Variants in HMCN2 observed in about 807,000 individuals in gnomAD.
HMCN2 encodes hemicentin-2.
HMCN2 carries 325 observed loss-of-function variants against 377.5 expected under a neutral mutation model. The ratio of observed to expected loss-of-function variants is 0.86; its 90% CI spans 0.79 to 0.94. The LOEUF is 0.94. Ranked by LOEUF, HMCN2 falls within the 40% of genes least tolerant of loss-of-function variation. The pLI is 0.00. For synonymous variants in HMCN2, 2,007 were observed against 2,046.8 expected (o/e 0.98, Z 0.53); for missense variants, 4,543 against 4,725.3 (o/e 0.96, Z 1.13).
rs1362698067 is a variant in HMCN2 at position 130,385,724 on chromosome 9, C to T, written c.9271C>T (p.Leu3091=). ...PLVLAQRTQA[L]RGGQRLEIQE... Reference sequence around the variant, plus strand: ...GGTCCTGGCACAGCGGACCCAGGCTCTGCGGGGTGGGCAGAGGCTGGAGAT... The same window carrying T: ...GGTCCTGGCACAGCGGACCCAGGCTTTGCGGGGTGGGCAGAGGCTGGAGAT... The change falls in exon 60 of 98, where the codon CTG becomes TTG. Residue 3091 remains leucine (L), a synonymous_variant. Transcript: ENST00000683500. 15 of 1,304,154 alleles carry T rather than the reference C, an allele frequency of 1.2e-5. No individual in the cohort carries two copies. The highest frequency in any genetic ancestry group is 6.1e-6 in the Non-Finnish European group (6 of 988,914). The allele number at this position is 1,304,154 out of a possible 1,614,324, so 80.8% of individuals were successfully genotyped here.
intron 1 of HMCN2, among the ~76,000 whole-genome samples, chr9:130,270,397 A>C (rs1395412030): frequency 1.4e-5 from 2 of 146,124 alleles, no homozygotes; most frequent in African/African-American, 2.5e-5. Context: ...TAATTCTTCA[A>C]CTTGAAATTT....
chr9:130,433,481 G>A lies in HMCN2; in HGVS notation c.15028G>A (p.Gly5010Ser), dbSNP rs1418201511. The A allele has an allele frequency of 2.0e-6, 3 of 1,499,092 alleles. No individual in the cohort carries two copies. Among genetic ancestry groups the A allele is most frequent in the Non-Finnish European group, 1.8e-6 (2 of 1,132,004 alleles). 92.9% of individuals were successfully genotyped at this position (1,499,092 alleles called of 1,614,324 possible). The change falls in exon 98 of 98, where the codon GGC becomes AGC. Residue 5010 changes from glycine (G) to serine (S), a missense_variant. Around this residue, in one of 5 missense-constraint regions of HMCN2, gnomAD observed 1,155 missense variants for 1,157.7 expected, o/e 1.00. Coordinates refer to ENST00000683500, the MANE Select transcript of HMCN2 (RefSeq NM_001291815.2). The part of the protein sequence containing the change: ...VARLTAFSEV[G>S]VPANRTELSM... The stretch of plus-strand genomic sequence containing the variant: ...CCGCCTCACCGCCTTCTCCGAGGTC[G>A]GCGTCCCCGCCAACCGCACCGAGCT...
intron 90 of HMCN2, among the ~76,000 whole-genome samples, chr9:130,426,205 C>G (rs1412970607): frequency 6.6e-6 from 1 of 152,182 alleles, no homozygotes; most frequent in Non-Finnish European, 1.5e-5. Context: ...CCACCCCAGG[C>G]TGATGTTCAG....
intron 65 of HMCN2, 52 bp from the exon 66 acceptor site, chr9:130,391,883 A>C: frequency 1.1e-6 from 1 of 942,260 alleles, no homozygotes; most frequent in Non-Finnish European, 1.3e-6. Context: ...GGAGGAGCCC[A>C]CCTTCCTCCC....
intron 1 of HMCN2, among the ~76,000 whole-genome samples, chr9:130,267,106 T>A (rs1221618203): frequency 2.6e-5 from 4 of 151,818 alleles, no homozygotes; most frequent in Non-Finnish European, 5.9e-5. Context: ...CCACCATGCC[T>A]GGCTGATTTT....
In HMCN2 at chr9:130,361,601, T is replaced by A. The variant is rs1840390367; in HGVS notation, c.5951-407T>A. On this transcript the variant is annotated intron_variant, in intron 38 of 97. Transcript: ENST00000683500. This position sits in a 1 kb window ranked among gnomAD's most constrained non-coding sequence, Gnocchi z 4.8. Reference sequence around the variant, plus strand: ...AGATACAATGGAATCTTCTGGCTATTTTCTGCCAAAAGGGGACTGCCTGTA... The same window carrying A: ...AGATACAATGGAATCTTCTGGCTATATTCTGCCAAAAGGGGACTGCCTGTA... 6.6e-6 allele frequency among the ~76,000 whole-genome samples: 1 copy of A among 152,192 alleles called. No homozygotes were observed. The highest frequency in any genetic ancestry group is 2.4e-5 in the African/African-American group (1 of 41,438).
intron 85 of HMCN2, among the ~76,000 whole-genome samples, chr9:130,412,230 C>G (rs1843464295): frequency 6.6e-6 from 1 of 152,222 alleles, no homozygotes; most frequent in South Asian, 2.1e-4. Context: ...CCTTGGCCCC[C>G]CAAAGTGCTG....
Position 130,383,609 on chromosome 9 carries a change from G to T in HMCN2, c.8830+9G>T. 1.0e-6 allele frequency: 1 copy of T among 985,182 alleles called. No homozygotes were observed. The highest frequency in any genetic ancestry group is 4.7e-5 in the South Asian group (1 of 21,274). 61.0% of individuals were successfully genotyped at this position (985,182 alleles called of 1,614,324 possible). ...CACCCTCAGGGTTCAAGGTGAGCTGGGCTGAGCAGGCAGCCCCTGTGGGTT... is the reference window on the plus strand; with the variant it reads ...CACCCTCAGGGTTCAAGGTGAGCTGTGCTGAGCAGGCAGCCCCTGTGGGTT... On this transcript the variant is annotated intron_variant, in intron 57 of 97. Coordinates refer to ENST00000683500, the MANE Select transcript of HMCN2 (RefSeq NM_001291815.2).
In HMCN2 at chr9:130,381,348, G is replaced by A. The variant is rs1841710149; in HGVS notation, c.8432-836G>A. ...CTGGAGACCAACGCCAGCCCCCATA[G>A]ATGCCAGGCTCTGGCCTTGGATGGC... On this transcript the variant is annotated intron_variant, in intron 54 of 97. Transcript: ENST00000683500. Among the ~76,000 whole-genome samples the A allele has an allele frequency of 2.0e-5, 3 of 152,012 alleles. No homozygotes were observed. In the South Asian group the frequency reaches 6.2e-4, roughly 32 times the overall value.
intron 85 of HMCN2, 30 bp downstream of exon 85, chr9:130,410,682 G>C (rs767660356): frequency 6.5e-7 from 1 of 1,542,602 alleles, no homozygotes. Context: ...GAGTGGGGAC[G>C]TGGGAAGTGT....
chr9:130,322,298 TTATC>T (rs1344865473), intron 19 of HMCN2, among the ~76,000 whole-genome samples: 41 of 151,846 alleles, frequency 2.7e-4, no homozygotes, highest in African/African-American at 8.9e-4. Flanking sequence ...TACATAAAAA[TTATC>T]TATCATCTAT....
At position 130,414,759 on chromosome 9, in the gene HMCN2, C is replaced by T. The variant is rs1318928881; in HGVS notation, c.12962-4013C>T. Among the ~76,000 whole-genome samples the T allele has an allele frequency of 6.6e-6, 1 of 151,904 alleles. No homozygotes were observed. The highest frequency in any genetic ancestry group is 1.5e-5 in the Non-Finnish European group (1 of 67,954). ...CTGGGACTGCAGGCACGTGCCACCA[C>T]ACCCGGCTAATTTTTATTTTTATGT... is the stretch of plus-strand genomic sequence containing the variant. On this transcript the variant is annotated intron_variant, in intron 85 of 97. Coordinates refer to ENST00000683500, the MANE Select transcript of HMCN2 (RefSeq NM_001291815.2). The surrounding 1 kb of genome is among the most constrained non-coding windows in gnomAD (Gnocchi z 4.4).
At chr9:130,295,228 G>A (rs564307166) in intron 5 of HMCN2, among the ~76,000 whole-genome samples, 13 of 152,246 alleles carry the variant, frequency 8.5e-5, no homozygotes, top group East Asian at 5.8e-4. Flanking sequence ...AGCAACCGGC[G>A]ATGGGAATTA....
rs1011850484 is a variant in HMCN2, at chr9:130,384,455, C to T, written c.8913C>T (p.His2971=). ...NSSVSLPCDV[H]AHPNPEVTWY... is the part of the protein sequence containing the mutation. ...GCGTCTCCCTCCCTTGCGACGTCCA[C>T]GCTCACCCAAACCCCGAGGTCACGT... The change falls in exon 58 of 98, where the codon CAC becomes CAT. Residue 2971 remains histidine, a synonymous_variant. Coordinates refer to ENST00000683500, the MANE Select transcript of HMCN2 (RefSeq NM_001291815.2). 48 of 1,304,110 alleles carry T rather than the reference C, an allele frequency of 3.7e-5. No homozygotes were observed. The highest frequency in any genetic ancestry group is 2.3e-4 in the African/African-American group (15 of 65,862). The allele number at this position is 1,304,110 out of a possible 1,614,324, so 80.8% of individuals were successfully genotyped here.
intron 22 of HMCN2, among the ~76,000 whole-genome samples, chr9:130,337,400 C>T (rs1838811055): frequency 2.0e-5 from 3 of 152,116 alleles, no homozygotes; most frequent in Admixed American, 6.5e-5. Context: ...CTCAGGGCTG[C>T]CAGCTTCTTC....
At chr9:130,375,020 C>G (rs1265935572) in intron 49 of HMCN2, among the ~76,000 whole-genome samples, 1 of 152,228 alleles carries the variant, frequency 6.6e-6, no homozygotes, top group Non-Finnish European at 1.5e-5. Context: ...CTAGGCATCT[C>G]TCCATCTCCT....
intron 15 of HMCN2, among the ~76,000 whole-genome samples, chr9:130,310,516 G>T (rs868917213): frequency 2.6e-5 from 4 of 152,354 alleles, no homozygotes; most frequent in African/African-American, 9.6e-5. Flanking sequence ...AGTCTTGGAA[G>T]TAACAAGCCA....
chr9:130,385,335 A>G, intron 59 of HMCN2, among the ~76,000 whole-genome samples: 1 of 152,012 alleles, frequency 6.6e-6, no homozygotes, highest in Admixed American at 6.5e-5. Flanking sequence ...TCCCCCATCT[A>G]GGAGGCTGAG....
chr9:130,285,205 C>T lies in HMCN2; in HGVS notation c.378C>T (p.Ala126=), dbSNP rs140165863. The change falls in exon 3 of 98, where the codon GCC becomes GCT. Residue 126 remains alanine (A), a synonymous_variant. Coordinates refer to ENST00000683500, the MANE Select transcript of HMCN2 (RefSeq NM_001291815.2). ...TGAGTGTGGGGGCCATTAAGGCTGC[C>T]GTGGAGGTTGCCAACCCCGGATCCT... The part of the protein sequence containing the change: ...PEMSVGAIKA[A]VEVANPGSFI... The T allele has an allele frequency of 1.5e-3, 701 of 471,090 alleles. 3 individuals carry two copies. Among genetic ancestry groups the T allele is most frequent in the African/African-American group, 9.0e-3 (451 of 50,160 alleles). The allele number at this position is 471,090 out of a possible 1,614,324, so 29.2% of individuals were successfully genotyped here.
Sources: allele counts gnomAD v4.1 joint callset (sites outside exome capture counted in the v4.1 genomes callset), GRCh38; gene constraint gnomAD v4.1.1; regional missense constraint gnomAD v4.1.1; non-coding constraint Gnocchi (gnomAD v3.1); transcripts MANE v1.5; gene names NCBI Gene and HGNC (gene_info 2026-07-23, HGNC 2026-07-21).